Variants in RALYL observed in about 807,000 individuals in gnomAD.
RALYL encodes RALY RNA binding protein like, also known as RNA-binding Raly-like protein.
A neutral mutation model predicts 35.1 loss-of-function variants in RALYL; 29 were observed. The observed-to-expected ratio is 0.83, with a 90% CI of 0.61 to 1.13. The LOEUF (loss-of-function observed/expected upper bound fraction) is 1.13. Among genes scored for constraint, RALYL ranks in the 50% most tolerant of loss-of-function variants. The probability of loss-of-function intolerance (pLI) is 0.00; values close to 1 mark genes in which losing one functional copy is unlikely to be tolerated. For synonymous variants in RALYL, 120 were observed against 127.6 expected, an observed-to-expected ratio of 0.94 and a Z score of 0.40; for missense variants, 359 against 360.4, an observed-to-expected ratio of 1.00 and a Z score of 0.03.
intron 1 of RALYL, among the ~76,000 whole-genome samples, chr8:84,238,349 A>T (rs181693489): frequency 8.6e-4 from 130 of 151,064 alleles, no homozygotes; most frequent in Non-Finnish European, 1.6e-3. Flanking sequence ...CTGTCCATAC[A>T]TATATATGTA....
At chr8:84,381,353 T>C (rs970149030) in intron 1 of RALYL, among the ~76,000 whole-genome samples, 4 of 151,920 alleles carry the variant, frequency 2.6e-5, no homozygotes, top group African/African-American at 9.7e-5. Flanking sequence ...CCATTTCCCA[T>C]GTGGATAACT....
intron 7 of RALYL, 87 bp from the exon 8 acceptor site, chr8:84,887,517 C>A (rs560895309): frequency 1.7e-6 from 2 of 1,188,956 alleles, no homozygotes; most frequent in South Asian, 3.2e-5. Flanking sequence ...ATAGCGTTTA[C>A]CCTTTCATGG....
At chr8:84,300,332 T>A (rs895828837) in intron 1 of RALYL, among the ~76,000 whole-genome samples, 3 of 152,042 alleles carry the variant, frequency 2.0e-5, no homozygotes, top group African/African-American at 7.2e-5. Flanking sequence ...TGTTTTTTTT[T>A]AATTTACTCA....
chr8:84,562,056 A>G (rs891785621), intron 2 of RALYL, among the ~76,000 whole-genome samples: 1 of 151,890 alleles, frequency 6.6e-6, no homozygotes, highest in Non-Finnish European at 1.5e-5. Flanking sequence ...AGCCATGTGA[A>G]CCTTTGAAAG....
intron 1 of RALYL, chr8:84,185,246 T>A (rs2130796047): frequency 1.7e-6 from 1 of 572,026 alleles, no homozygotes; most frequent in Non-Finnish European, 3.1e-6. Context: ...ATTAAAAAAA[T>A]GCCTTTTATT....
At chr8:84,351,942 C>T (rs1488424343) in intron 1 of RALYL, among the ~76,000 whole-genome samples, 1 of 149,994 alleles carries the variant, frequency 6.7e-6, no homozygotes, top group East Asian at 1.9e-4. Context: ...TGTAAGGTGA[C>T]CTGGAGAGGT....
At position 84,282,052 on chromosome 8, in the gene RALYL, GTC is replaced by G. The variant is rs1836682876; in HGVS notation, c.-24+97632_-24+97633del. ...CTGCCTAAAGAAATAGTACATGATAGTCTCTGTGGAAATCTCTTGCCCCTCCT... is the reference window on the plus strand; with the variant it reads ...CTGCCTAAAGAAATAGTACATGATAGTCTGTGGAAATCTCTTGCCCCTCCT... On this transcript the variant is annotated intron_variant, in intron 1 of 8. Coordinates refer to ENST00000521268, the MANE Select transcript of RALYL (RefSeq NM_173848.7). 2.6e-5 allele frequency among the ~76,000 whole-genome samples: 4 copies of G among 152,134 alleles called. No individual in the cohort carries two copies. The South Asian group carries it at 8.3e-4, about 32-fold the overall frequency.
chr8:84,649,903 C>G (rs1325838429), intron 2 of RALYL, among the ~76,000 whole-genome samples: 2 of 152,168 alleles, frequency 1.3e-5, no homozygotes, highest in South Asian at 4.1e-4. Context: ...TTGATTCTTC[C>G]TACCCATGAG....
chr8:84,905,048 TC>T (rs1846262096), intron 8 of RALYL, among the ~76,000 whole-genome samples: 1 of 152,178 alleles, frequency 6.6e-6, no homozygotes, highest in African/African-American at 2.4e-5. Flanking sequence ...TAGAATTTAT[TC>T]ATCTTGCTTA....
intron 1 of RALYL, among the ~76,000 whole-genome samples, chr8:84,429,400 C>T (rs372559403): frequency 1.4e-4 from 21 of 152,228 alleles, no homozygotes; most frequent in South Asian, 8.3e-4. Context: ...TTTTGATCTT[C>T]GTTCCTTTGT....
chr8:84,725,478 C>A (rs2132710275), intron 2 of RALYL, among the ~76,000 whole-genome samples: 1 of 151,870 alleles, frequency 6.6e-6, no homozygotes, highest in Admixed American at 6.6e-5. Flanking sequence ...ATTAAGTAGA[C>A]TGATTCATGC....
At chr8:84,368,507 C>T (rs1195498631) in intron 1 of RALYL, among the ~76,000 whole-genome samples, 1 of 152,152 alleles carries the variant, frequency 6.6e-6, no homozygotes, top group Non-Finnish European at 1.5e-5. Flanking sequence ...TAAAGATATA[C>T]CTGAGACTGG....
chr8:84,492,277 A>G (rs1356152589), intron 1 of RALYL, among the ~76,000 whole-genome samples: 1 of 152,074 alleles, frequency 6.6e-6, no homozygotes, highest in East Asian at 1.9e-4. Flanking sequence ...ACCAATCCCT[A>G]CATTTAGAAG....
At chr8:84,325,181 C>T (rs1248270253) in intron 1 of RALYL, among the ~76,000 whole-genome samples, 2 of 152,132 alleles carry the variant, frequency 1.3e-5, no homozygotes, top group African/African-American at 4.8e-5. Context: ...GAGGGCACCT[C>T]ACAACTTGCT....
intron 1 of RALYL, among the ~76,000 whole-genome samples, chr8:84,420,992 C>T (rs1563894412): frequency 8.8e-6 from 1 of 113,556 alleles, no homozygotes; most frequent in Non-Finnish European, 1.7e-5. Flanking sequence ...ATGCCTCCAG[C>T]TTTGTTCTTT....
intron 1 of RALYL, among the ~76,000 whole-genome samples, chr8:84,207,150 A>T (rs150399351): frequency 6.6e-6 from 1 of 152,220 alleles, no homozygotes; most frequent in East Asian, 1.9e-4. Context: ...ATATGATCCA[A>T]CAATCCCACT....
At chr8:84,665,473 A>C (rs1831822057) in intron 2 of RALYL, among the ~76,000 whole-genome samples, 1 of 151,966 alleles carries the variant, frequency 6.6e-6, no homozygotes, top group Non-Finnish European at 1.5e-5. Context: ...TTATTACTGC[A>C]CAATTTCAGA....
chr8:84,492,840 G>T (rs1259233814), intron 1 of RALYL, among the ~76,000 whole-genome samples: 1 of 147,480 alleles, frequency 6.8e-6, no homozygotes, highest in African/African-American at 2.7e-5. Flanking sequence ...TACATTTTCA[G>T]AAGAGTCCCA....
At chr8:84,297,006 T>C (rs1223144627) in intron 1 of RALYL, among the ~76,000 whole-genome samples, 1 of 151,772 alleles carries the variant, frequency 6.6e-6, no homozygotes. Flanking sequence ...CTTTGAAGAA[T>C]AACGTGTTGT....
Sources: allele counts gnomAD v4.1 joint callset (sites outside exome capture counted in the v4.1 genomes callset), GRCh38; gene constraint gnomAD v4.1.1; transcripts MANE v1.5; gene names NCBI Gene and HGNC (gene_info 2026-07-23, HGNC 2026-07-21).